The following DNER variants were observed in gnomAD, a reference collection of about 807,000 sequenced individuals.
DNER encodes the protein delta and Notch-like epidermal growth factor-related receptor.
Under a neutral mutation model 78.2 loss-of-function variants are expected in DNER, and 33 were observed. The observed-to-expected ratio is 0.42, with a 90% CI of 0.32 to 0.56. DNER has a LOEUF of 0.56. DNER is among the 20% of genes least tolerant of loss of function. The pLI is 0.11. For missense variants in DNER, 918 were observed against 975.3 expected (o/e 0.94, Z 0.78); for synonymous variants, 417 against 384.8 (o/e 1.08, Z -0.98).
chr2:229,714,110 G>A lies in DNER; in HGVS notation c.276+38C>T, dbSNP rs1699953497. Reference sequence around the variant, plus strand: ...CGGCGGGAAGAGGCTGCTGGTCCCGGACCAGCGCCCCGCACCGCGCCCGCC... The same window carrying A: ...CGGCGGGAAGAGGCTGCTGGTCCCGAACCAGCGCCCCGCACCGCGCCCGCC... On this transcript the variant is annotated intron_variant, in intron 1 of 12. Coordinates refer to ENST00000341772, the MANE Select transcript of DNER (RefSeq NM_139072.4). 10 of 1,266,580 alleles carry A rather than the reference G, an allele frequency of 7.9e-6. No individual in the cohort carries two copies. In the South Asian group the frequency reaches 2.7e-4, roughly 34 times the overall value. The allele number at this position is 1,266,580 out of a possible 1,614,324, so 78.5% of individuals were successfully genotyped here.
chr2:229,640,159 C>T (rs950411688), intron 1 of DNER, among the ~76,000 whole-genome samples: 3 of 152,278 alleles, frequency 2.0e-5, no homozygotes, highest in Non-Finnish European at 4.4e-5. Flanking sequence ...CAAGACAAAA[C>T]AAAAACAACT....
At chr2:229,510,379 C>T (rs1033470517) in intron 6 of DNER, among the ~76,000 whole-genome samples, 1 of 152,224 alleles carries the variant, frequency 6.6e-6, no homozygotes, top group Non-Finnish European at 1.5e-5. Flanking sequence ...CCGATGCCCA[C>T]TTTGACATGA....
intron 1 of DNER, among the ~76,000 whole-genome samples, chr2:229,607,139 A>G (rs776854782): frequency 2.0e-5 from 3 of 152,202 alleles, no homozygotes; most frequent in Non-Finnish European, 4.4e-5. Context: ...ATGAATATAT[A>G]TTTATGCATT....
chr2:229,480,516 A>G (rs1424615324), intron 6 of DNER, among the ~76,000 whole-genome samples: 1 of 152,222 alleles, frequency 6.6e-6, no homozygotes, highest in African/African-American at 2.4e-5. Flanking sequence ...CCATGCACTT[A>G]ATTCTTACAG....
At chr2:229,685,623 G>T (rs1380952403) in intron 1 of DNER, among the ~76,000 whole-genome samples, 1 of 152,130 alleles carries the variant, frequency 6.6e-6, no homozygotes, top group Non-Finnish European at 1.5e-5. Context: ...CAAATGGCAT[G>T]CATCCTACAA....
intron 6 of DNER, 117 bp from the exon 7 acceptor site, chr2:229,477,370 A>G: frequency 1.6e-6 from 1 of 606,962 alleles, no homozygotes; most frequent in Non-Finnish European, 2.8e-6. Flanking sequence ...GGCAGCCTTC[A>G]GCTAAGCTGC....
rs141958511 is a variant in DNER at position 229,591,571 on chromosome 2, C to T, written c.585+9G>A. 8.1e-4 allele frequency: 1,306 copies of T among 1,610,440 alleles called. 4 individuals are homozygous for T. Among genetic ancestry groups the T allele is most frequent in the African/African-American group, 6.8e-3 (507 of 74,944 alleles). On this transcript the variant is annotated intron_variant, in intron 2 of 12. Coordinates refer to ENST00000341772, the MANE Select transcript of DNER (RefSeq NM_139072.4). The surrounding 1 kb of genome is among the most constrained non-coding windows in gnomAD (Gnocchi z 4.6). ...TAATGTAAAAATGCACATGATATAA[C>T]GTTCTCACCTCCACTTGATCCCATT...
chr2:229,627,982 CT>C (rs1399357538), intron 1 of DNER, among the ~76,000 whole-genome samples: 1 of 152,194 alleles, frequency 6.6e-6, no homozygotes, highest in Non-Finnish European at 1.5e-5. Context: ...AGGTAGAGTC[CT>C]TTTCTCCCCT....
intron 1 of DNER, among the ~76,000 whole-genome samples, chr2:229,665,679 C>A (rs1010970773): frequency 6.6e-6 from 1 of 152,062 alleles, no homozygotes; most frequent in Non-Finnish European, 1.5e-5. Context: ...TATAGTCTAC[C>A]AAAGCAATGC....
chr2:229,671,701 T>C (rs1258290183), intron 1 of DNER, among the ~76,000 whole-genome samples: 1 of 152,208 alleles, frequency 6.6e-6, no homozygotes, highest in Non-Finnish European at 1.5e-5. Context: ...GACTCTGCTT[T>C]TTAAGATTTC....
chr2:229,430,558 G>T (rs775951743), intron 8 of DNER, among the ~76,000 whole-genome samples: 1 of 152,088 alleles, frequency 6.6e-6, no homozygotes, highest in Non-Finnish European at 1.5e-5. Context: ...TCCCGTGCTG[G>T]ATGCTTCCTG....
chr2:229,392,825 A>G (rs1693045018), intron 10 of DNER, among the ~76,000 whole-genome samples: 2 of 152,160 alleles, frequency 1.3e-5, no homozygotes, highest in South Asian at 4.1e-4. Flanking sequence ...CTGACACAAA[A>G]AAAGTCCATT....
intron 7 of DNER, among the ~76,000 whole-genome samples, chr2:229,461,005 G>A (rs16826048): frequency 0.02 from 3,106 of 152,152 alleles, 158 homozygotes; most frequent in African/African-American, 0.072. Context: ...ACGCATCCCT[G>A]TGTTGGAGTT....
At chr2:229,374,257 G>GT (rs1001389559) in intron 11 of DNER, among the ~76,000 whole-genome samples, 2 of 96,574 alleles carry the variant, frequency 2.1e-5, no homozygotes, top group African/African-American at 1.3e-4. Context: ...AGGAAAGGAA[G>GT]GGGGGAAATG....
intron 1 of DNER, among the ~76,000 whole-genome samples, chr2:229,664,122 A>G (rs994970040): frequency 3.9e-5 from 6 of 152,204 alleles, no homozygotes; most frequent in African/African-American, 1.4e-4. Context: ...TGTAATTCAC[A>G]AAATATTTGT....
intron 7 of DNER, among the ~76,000 whole-genome samples, chr2:229,465,969 G>A (rs561472103): frequency 1.3e-5 from 2 of 152,096 alleles, no homozygotes; most frequent in Admixed American, 6.5e-5. Context: ...AGCCAAATCT[G>A]TCCACTTCTC....
intron 6 of DNER, among the ~76,000 whole-genome samples, chr2:229,484,712 A>G (rs1208920068): frequency 6.6e-6 from 1 of 151,862 alleles, no homozygotes; most frequent in Non-Finnish European, 1.5e-5. Context: ...GCTGCTGAAC[A>G]CTCTCCAATA....
intron 7 of DNER, among the ~76,000 whole-genome samples, chr2:229,459,960 A>G (rs2154210809): frequency 6.6e-6 from 1 of 151,968 alleles, no homozygotes. Flanking sequence ...GATCGAGACC[A>G]TCCTGTCTAA....
intron 5 of DNER, among the ~76,000 whole-genome samples, chr2:229,540,502 G>T (rs1394246708): frequency 6.6e-6 from 1 of 152,184 alleles, no homozygotes; most frequent in African/African-American, 2.4e-5. Context: ...GGCAGACATG[G>T]ACCTGAAAGG....
Sources: allele counts gnomAD v4.1 joint callset (sites outside exome capture counted in the v4.1 genomes callset), GRCh38; gene constraint gnomAD v4.1.1; non-coding constraint Gnocchi (gnomAD v3.1); transcripts MANE v1.5; gene names NCBI Gene and HGNC (gene_info 2026-07-23, HGNC 2026-07-21).